Variants in HAPLN1 observed in about 807,000 individuals in gnomAD.
HAPLN1 encodes the protein hyaluronan and proteoglycan link protein 1.
Under a neutral mutation model 36.5 loss-of-function variants are expected in HAPLN1, and 13 were observed. That is an observed-to-expected ratio of 0.36 (90% CI 0.23 to 0.57). The LOEUF is 0.57. Ranked by LOEUF, HAPLN1 falls within the 20% of genes least tolerant of loss-of-function variation. HAPLN1 has a pLI of 0.83. For missense variants in HAPLN1, 407 were observed against 439.7 expected, an observed-to-expected ratio of 0.93 and a Z score of 0.66; for synonymous variants, 202 against 169.8, an observed-to-expected ratio of 1.19 and a Z score of -1.48.
intron 2 of HAPLN1, among the ~76,000 whole-genome samples, chr5:83,669,721 G>A (rs1374844234): frequency 6.6e-6 from 1 of 151,812 alleles, no homozygotes; most frequent in Non-Finnish European, 1.5e-5. Flanking sequence ...ATAACAGGGA[G>A]GAAGCAATAA....
chr5:83,664,978 T>C (rs938263899), intron 2 of HAPLN1, among the ~76,000 whole-genome samples: 1 of 152,174 alleles, frequency 6.6e-6, no homozygotes, highest in Non-Finnish European at 1.5e-5. Context: ...CCTTTGTTAA[T>C]GACTGTGATA....
Position 83,639,604 on chromosome 5 carries a change from C to G in HAPLN1, c.*1892G>C, listed in dbSNP as rs922835413. ...GTTGTTATTTGGGAGATAGTCCCCTCTTTAAATAATATATCATCTCATCCT... is the reference window on the plus strand; with the variant it reads ...GTTGTTATTTGGGAGATAGTCCCCTGTTTAAATAATATATCATCTCATCCT... On this transcript the variant is annotated 3_prime_UTR_variant, in exon 5 of 5. Transcript: ENST00000274341. 1 of 151,992 alleles carries G rather than the reference C, an allele frequency of 6.6e-6. No individual in the cohort carries two copies. The highest frequency in any genetic ancestry group is 1.9e-4 in the East Asian group (1 of 5,188). 9.4% of individuals were successfully genotyped at this position (151,992 alleles called of 1,614,324 possible). A position where few individuals can be genotyped will look rare whatever the true frequency, so the allele number is the denominator to read the frequency against.
At chr5:83,713,720 T>C (rs1244218092) in intron 1 of HAPLN1, among the ~76,000 whole-genome samples, 7 of 152,158 alleles carry the variant, frequency 4.6e-5, no homozygotes, top group African/African-American at 1.7e-4. Context: ...ATATTCCTAA[T>C]CTTAGTCAAT....
intron 2 of HAPLN1, among the ~76,000 whole-genome samples, chr5:83,656,739 G>A (rs1750228926): frequency 6.6e-6 from 1 of 152,094 alleles, no homozygotes; most frequent in African/African-American, 2.4e-5. Flanking sequence ...GAAACTGCAG[G>A]GCCTGGTGAG....
At chr5:83,660,969 C>T (rs925316868) in intron 2 of HAPLN1, among the ~76,000 whole-genome samples, 3 of 152,024 alleles carry the variant, frequency 2.0e-5, no homozygotes, top group Admixed American at 6.6e-5. Context: ...CTAAAATGTG[C>T]CTGGTGTACA....
At chr5:83,685,089 C>T (rs1751088751) in intron 1 of HAPLN1, among the ~76,000 whole-genome samples, 1 of 152,146 alleles carries the variant, frequency 6.6e-6, no homozygotes, top group Admixed American at 6.5e-5. Context: ...GTAATCATTT[C>T]TACATTTAAT....
Sources: allele counts gnomAD v4.1 joint callset (sites outside exome capture counted in the v4.1 genomes callset), GRCh38; gene constraint gnomAD v4.1.1; transcripts MANE v1.5; gene names NCBI Gene and HGNC (gene_info 2026-07-23, HGNC 2026-07-21).